Variants in TXNRD1 observed in about 807,000 individuals in gnomAD.
TXNRD1 encodes the protein thioredoxin reductase 1, cytoplasmic.
TXNRD1 carries 57 observed loss-of-function variants against 80.3 expected under a neutral mutation model. That is an observed-to-expected ratio of 0.71 (90% CI 0.57 to 0.89). TXNRD1 has a LOEUF of 0.89. Among genes scored for constraint, TXNRD1 ranks in the 40% least tolerant of loss-of-function variants. TXNRD1 has a pLI of 0.00. For missense variants in TXNRD1, 730 were observed against 803.0 expected (o/e 0.91, Z 1.10); for synonymous variants, 291 against 285.2 (o/e 1.02, Z -0.20).
intron 10 of TXNRD1, among the ~76,000 whole-genome samples, chr12:104,323,478 C>T (rs2035619853): frequency 1.4e-5 from 2 of 143,882 alleles, no homozygotes; most frequent in Non-Finnish European, 3.1e-5. Flanking sequence ...GTAGGGGCGG[C>T]CGGGCAGAGG....
chr12:104,267,719 T>C lies in TXNRD1; in HGVS notation c.304+9640T>C, dbSNP rs71440860. 8.8e-3 allele frequency among the ~76,000 whole-genome samples: 366 copies of C among 41,680 alleles called. 1 individual carries two copies. Among genetic ancestry groups the C allele is most frequent in the Non-Finnish European group, 0.016 (263 of 16,626 alleles). 27.3% of individuals were successfully genotyped at this position (41,680 alleles called of 152,430 possible). ...TTTCTTTCTCTCTTTCTTTCTTTCT[T>C]TCTCTTTCTTTCTTTCCTTTCTTCC... On this transcript the variant is annotated intron_variant, in intron 3 of 16. Transcript: ENST00000525566.
intron 16 of TXNRD1, chr12:104,346,064 G>A: frequency 8.9e-7 from 1 of 1,128,658 alleles, no homozygotes. Context: ...CCAGGCTGGA[G>A]TGCAGTGGTG....
intron 3 of TXNRD1, among the ~76,000 whole-genome samples, chr12:104,285,191 CAAAT>C (rs896788285): frequency 1.2e-4 from 18 of 151,962 alleles, no homozygotes; most frequent in South Asian, 2.1e-4. Flanking sequence ...AACAAACAAA[CAAAT>C]AAATAAATAA....
intron 4 of TXNRD1, among the ~76,000 whole-genome samples, chr12:104,296,706 T>C (rs1209095209): frequency 7.9e-5 from 12 of 152,222 alleles, no homozygotes. Flanking sequence ...CAGAAGAGAC[T>C]CACTTAAAGG....
At chr12:104,340,983 C>T (rs937395430) in intron 16 of TXNRD1, among the ~76,000 whole-genome samples, 1 of 152,152 alleles carries the variant, frequency 6.6e-6, no homozygotes, top group Non-Finnish European at 1.5e-5. Context: ...GAATTCAGCT[C>T]TCAGTGGGCT....
chr12:104,314,746 T>C lies in TXNRD1; in HGVS notation c.611-1031T>C, dbSNP rs964644647. Among the ~76,000 whole-genome samples the C allele has an allele frequency of 4.8e-5, 7 of 145,806 alleles. No individual in the cohort carries two copies. In the East Asian group the frequency reaches 7.9e-4, roughly 16 times the overall value. On this transcript the variant is annotated intron_variant, in intron 6 of 16. Transcript: ENST00000525566. ...TACACCAAAATTTTTTTCTTTTTTTTTTTTTTTTTTTTTGAGATGGAGTCT... is the reference window on the plus strand; with the variant it reads ...TACACCAAAATTTTTTTCTTTTTTTCTTTTTTTTTTTTTGAGATGGAGTCT...
intron 14 of TXNRD1, among the ~76,000 whole-genome samples, chr12:104,332,935 A>G (rs750702646): frequency 1.8e-4 from 26 of 147,948 alleles, no homozygotes; most frequent in Non-Finnish European, 2.8e-4. Flanking sequence ...GTATATATAT[A>G]TGTGTGTGTG....
chr12:104,228,646 G>A (rs2032532255), intron 1 of TXNRD1, among the ~76,000 whole-genome samples: 1 of 152,172 alleles, frequency 6.6e-6, no homozygotes, highest in Non-Finnish European at 1.5e-5. Flanking sequence ...TAAAGTGGGG[G>A]CGGCAGGGGA....
rs1257276342 is a variant in TXNRD1, at chr12:104,349,084, G to A, written c.*663G>A. Reference sequence around the variant, plus strand: ...AATTTGCCCCTGTGTGCTACATGATGGATGATTATTATTTTAAGGTCTGTT... The same window carrying A: ...AATTTGCCCCTGTGTGCTACATGATAGATGATTATTATTTTAAGGTCTGTT... On this transcript the variant is annotated 3_prime_UTR_variant, in exon 17 of 17. Coordinates refer to ENST00000525566, the MANE Select transcript of TXNRD1 (RefSeq NM_001093771.3). 1 of 152,194 alleles carries A rather than the reference G, an allele frequency of 6.6e-6. No individual in the cohort carries two copies. The highest frequency in any genetic ancestry group is 2.4e-5 in the African/African-American group (1 of 41,428). The allele number at this position is 152,194 out of a possible 1,614,324, so 9.4% of individuals were successfully genotyped here.
intron 3 of TXNRD1, chr12:104,286,681 A>G: frequency 1.0e-6 from 1 of 987,420 alleles, no homozygotes; most frequent in Middle Eastern, 5.2e-4. Context: ...CAGGATTCTA[A>G]AGACCCTCAC....
At chr12:104,314,876 G>T (rs1403869965) in intron 6 of TXNRD1, among the ~76,000 whole-genome samples, 1 of 151,682 alleles carries the variant, frequency 6.6e-6, no homozygotes, top group Non-Finnish European at 1.5e-5. Flanking sequence ...TTAGTAGCTG[G>T]GATTACAGAC....
At chr12:104,271,948 C>T (rs1265061442) in intron 3 of TXNRD1, among the ~76,000 whole-genome samples, 3 of 151,980 alleles carry the variant, frequency 2.0e-5, no homozygotes, top group African/African-American at 4.8e-5. Flanking sequence ...TAGGGCCAGG[C>T]GCGGTGACTC....
chr12:104,326,362 G>A lies in TXNRD1; in HGVS notation c.1324G>A (p.Gly442Arg). The part of the protein sequence containing the change: ...GEYNTVMLAI[G>R]RDACTRKIGL... ...AATTTTTCAGGTGATGCTGGCAATA[G>A]GAAGAGATGCTTGCACAAGAAAAAT... The change falls in exon 12 of 17, where the codon GGA becomes AGA. Residue 442 changes from glycine to arginine, a missense_variant. Transcript: ENST00000525566. The A allele has an allele frequency of 6.3e-7, 1 of 1,591,474 alleles. No homozygotes were observed. The highest frequency in any genetic ancestry group is 8.5e-7 in the Non-Finnish European group (1 of 1,170,876).
chr12:104,277,324 C>A (rs536218631), intron 3 of TXNRD1, among the ~76,000 whole-genome samples: 1 of 149,780 alleles, frequency 6.7e-6, no homozygotes, highest in East Asian at 2.0e-4. Flanking sequence ...GACATGAACC[C>A]GGGAGGCGGA....
chr12:104,321,070 T>C (rs761624250), intron 9 of TXNRD1, 21 bp from the exon 10 acceptor site: 12 of 279,664 alleles, frequency 4.3e-5, no homozygotes, highest in Middle Eastern at 9.6e-4. Flanking sequence ...TCTTTCTTCC[T>C]TTTTTTTTTT....
intron 3 of TXNRD1, among the ~76,000 whole-genome samples, chr12:104,259,774 C>T (rs930890209): frequency 2.0e-5 from 3 of 151,966 alleles, no homozygotes; most frequent in African/African-American, 7.3e-5. Flanking sequence ...AGGTGTGAGC[C>T]ACCACGCCCG....
At position 104,325,422 on chromosome 12, in the gene TXNRD1, A is replaced by G. The variant is rs773829979; in HGVS notation, c.1301A>G (p.Tyr434Cys). 1.9e-6 allele frequency: 3 copies of G among 1,609,618 alleles called. No homozygotes were observed. Among genetic ancestry groups the G allele is most frequent in the South Asian group, 2.2e-5 (2 of 90,458 alleles). ...TNSEEIIEGE[Y>C]NTVMLAIGRD... ...AGTGAGGAAATCATTGAAGGAGAAT[A>G]TAATACGGTAAGGAATGGGCCCAGG... Residue 434 changes from tyrosine (Y) to cysteine (C), a missense_variant, in exon 11 of 17, where the codon TAT (tyrosine) becomes TGT (cysteine). Coordinates refer to ENST00000525566, the MANE Select transcript of TXNRD1 (RefSeq NM_001093771.3).
chr12:104,246,447 AAAAC>A (rs1394891986), intron 1 of TXNRD1, among the ~76,000 whole-genome samples: 2 of 151,970 alleles, frequency 1.3e-5, no homozygotes, highest in Admixed American at 6.6e-5. Context: ...AAAAAACAAA[AAAAC>A]AAAAAACTTT....
intron 13 of TXNRD1, among the ~76,000 whole-genome samples, chr12:104,328,426 C>T (rs144614713): frequency 0.013 from 1,985 of 152,104 alleles, 26 homozygotes; most frequent in Non-Finnish European, 0.019. Flanking sequence ...GTAGCTTAAA[C>T]CACTATTCAG....
Sources: allele counts gnomAD v4.1 joint callset (sites outside exome capture counted in the v4.1 genomes callset), GRCh38; gene constraint gnomAD v4.1.1; transcripts MANE v1.5; gene names NCBI Gene and HGNC (gene_info 2026-07-23, HGNC 2026-07-21).